The following WDR75 variants were observed in gnomAD, a reference collection of about 807,000 sequenced individuals.
WDR75 encodes WD repeat domain 75, also known as WD repeat-containing protein 75.
In WDR75, 52 loss-of-function variants were observed where a neutral mutation model predicts 106.1. The observed-to-expected ratio is 0.49, with a 90% CI of 0.39 to 0.62. The LOEUF is 0.62. WDR75 is among the 20% of genes least tolerant of loss of function. The probability of loss-of-function intolerance (pLI) is 0.00; values close to 1 mark genes in which losing one functional copy is unlikely to be tolerated. For synonymous variants in WDR75, 333 were observed against 335.5 expected (o/e 0.99, Z 0.08); for missense variants, 905 against 970.3 (o/e 0.93, Z 0.89).
At chr2:189,456,052 T>C (rs546711281) in intron 5 of WDR75, among the ~76,000 whole-genome samples, 103 of 152,366 alleles carry the variant, frequency 6.8e-4, no homozygotes, top group Middle Eastern at 3.4e-3. Context: ...CGGACATCAC[T>C]GTAGCGGCAT....
At position 189,471,364 on chromosome 2, in the gene WDR75, C is replaced by T. The variant is rs1687115928; in HGVS notation, c.2049+486C>T. On this transcript the variant is annotated intron_variant, in intron 18 of 20. Coordinates refer to ENST00000314761, the MANE Select transcript of WDR75 (RefSeq NM_032168.3). ...CAACACACACTTTCCCTACTTGTCC[C>T]CCAATTTTCCCCATATGGGTAAATG... is the stretch of plus-strand genomic sequence containing the variant. Among the ~76,000 whole-genome samples the T allele has an allele frequency of 2.0e-5, 3 of 152,168 alleles. No individual in the cohort carries two copies. The South Asian group carries it at 6.2e-4, about 31-fold the overall frequency.
chr2:189,454,287 C>T (rs1686687788), intron 4 of WDR75, among the ~76,000 whole-genome samples: 1 of 152,030 alleles, frequency 6.6e-6, no homozygotes, highest in Non-Finnish European at 1.5e-5. Context: ...AAAGAATACC[C>T]TTAAGGAGAT....
chr2:189,467,933 C>T (rs1192344179), intron 14 of WDR75, among the ~76,000 whole-genome samples: 1 of 152,088 alleles, frequency 6.6e-6, no homozygotes, highest in Non-Finnish European at 1.5e-5. Flanking sequence ...TCAGGGGATC[C>T]AAACCTTCTT....
chr2:189,463,667 T>A, intron 9 of WDR75, 27 bp from the exon 10 acceptor site: 2 of 1,612,910 alleles, frequency 1.2e-6, no homozygotes, highest in Non-Finnish European at 8.5e-7. Flanking sequence ...TATTGATATT[T>A]AAATACCTAT....
chr2:189,472,246 A>G (rs1687132394), intron 18 of WDR75, among the ~76,000 whole-genome samples: 1 of 152,154 alleles, frequency 6.6e-6, no homozygotes, highest in South Asian at 2.1e-4. Flanking sequence ...GGTGGGGTAG[A>G]GAATAGACGA....
At position 189,455,315 on chromosome 2, in the gene WDR75, G is replaced by A; in HGVS notation, c.374-5G>A. ...CTTTATATTAATATAGCTTTCTTTG[G>A]CTAGATATATTTCAGCTGGTTTCAG... On this transcript the variant is annotated splice_region_variant and splice_polypyrimidine_tract_variant and intron_variant, in intron 4 of 20. Transcript: ENST00000314761. 1 of 1,613,170 alleles carries A rather than the reference G, an allele frequency of 6.2e-7. No homozygotes were observed. The highest frequency in any genetic ancestry group is 1.7e-5 in the Admixed American group (1 of 59,684).
At chr2:189,467,350 C>T in intron 13 of WDR75, 118 bp from the exon 14 acceptor site, 2 of 1,005,996 alleles carry the variant, frequency 2.0e-6, no homozygotes, top group Admixed American at 2.5e-5. Flanking sequence ...CTCAGTTGAC[C>T]CCTAGGAACT....
intron 15 of WDR75, among the ~76,000 whole-genome samples, chr2:189,468,907 C>A (rs1687059020): frequency 6.6e-6 from 1 of 152,148 alleles, no homozygotes; most frequent in Non-Finnish European, 1.5e-5. Flanking sequence ...TCTACATTAT[C>A]CCTGACAGCT....
intron 9 of WDR75, 150 bp from the exon 10 acceptor site, chr2:189,463,544 G>C: frequency 3.0e-6 from 2 of 674,902 alleles, no homozygotes; most frequent in Non-Finnish European, 4.9e-6. Context: ...ACTAATGATA[G>C]CTGATGAGCT....
At chr2:189,451,096 CA>C in intron 3 of WDR75, 128 bp downstream of exon 3, 4 of 1,193,780 alleles carry the variant, frequency 3.4e-6, no homozygotes, top group Non-Finnish European at 3.2e-6. Context: ...AAAATAACAT[CA>C]AAAAAATTAA....
rs539121332 is a variant in WDR75, at chr2:189,474,161, TTC to T, written c.2050-21_2050-20del. On this transcript the variant is annotated intron_variant, in intron 18 of 20. Transcript: ENST00000314761. ...AGTTCTTCCTTTTTTCTGAAATAAT[TTC>T]TCTTTGTCTTAAATCCTTAAAGCTG... is the stretch of plus-strand genomic sequence containing the variant. 472 of 1,591,852 alleles carry T rather than the reference TTC, an allele frequency of 3.0e-4. 3 individuals carry two copies. The African/African-American group carries it at 5.9e-3, about 20-fold the overall frequency.
intron 8 of WDR75, among the ~76,000 whole-genome samples, chr2:189,461,753 G>A (rs998519362): frequency 6.6e-6 from 1 of 152,098 alleles, no homozygotes; most frequent in Non-Finnish European, 1.5e-5. Flanking sequence ...TCATTTCAGT[G>A]CACTAGACAT....
chr2:189,457,537 G>A (rs533757844), intron 6 of WDR75, among the ~76,000 whole-genome samples, 156 bp downstream of exon 6: 2 of 152,226 alleles, frequency 1.3e-5, no homozygotes, highest in African/African-American at 2.4e-5. Context: ...TAACCATACC[G>A]TATAGTTTTT....
At chr2:189,458,453 CAGG>C (rs1277023470) in intron 6 of WDR75, among the ~76,000 whole-genome samples, 1 of 150,076 alleles carries the variant, frequency 6.7e-6, no homozygotes, top group Non-Finnish European at 1.5e-5. Flanking sequence ...AAGCTTTGAC[CAGG>C]CCAAAAAAAA....
At chr2:189,457,824 A>G (rs1686770801) in intron 6 of WDR75, among the ~76,000 whole-genome samples, 1 of 151,846 alleles carries the variant, frequency 6.6e-6, no homozygotes, top group African/African-American at 2.4e-5. Flanking sequence ...AGTTGTACTG[A>G]TGAATGAGGT....
intron 4 of WDR75, among the ~76,000 whole-genome samples, chr2:189,453,003 A>G (rs1331950461): frequency 6.6e-6 from 1 of 152,174 alleles, no homozygotes; most frequent in African/African-American, 2.4e-5. Context: ...CTCTAAAAAG[A>G]CAAAAAGAAA....
Position 189,472,879 on chromosome 2 carries a change from G to A in WDR75, c.2050-1307G>A, listed in dbSNP as rs138356534. On this transcript the variant is annotated intron_variant, in intron 18 of 20. Coordinates refer to ENST00000314761, the MANE Select transcript of WDR75 (RefSeq NM_032168.3). ...ATTTGTATTATATGTATTATATACTGTATTCTTACAATAAAGTATGCTAGA... is the reference window on the plus strand; with the variant it reads ...ATTTGTATTATATGTATTATATACTATATTCTTACAATAAAGTATGCTAGA... 2.4e-4 allele frequency among the ~76,000 whole-genome samples: 37 copies of A among 151,896 alleles called. No homozygotes were observed. The East Asian group carries it at 7.2e-3, about 29-fold the overall frequency.
intron 2 of WDR75, chr2:189,450,053 C>A: frequency 1.0e-6 from 1 of 982,802 alleles, no homozygotes; most frequent in Non-Finnish European, 1.2e-6. Context: ...AAAGTATGGT[C>A]CACAGACCAG....
Position 189,448,479 on chromosome 2 carries a change from A to G in WDR75, c.187A>G (p.Ile63Val). Residue 63 changes from isoleucine (I) to valine (V), a missense_variant, in exon 2 of 21, where the codon ATC becomes GTC. Ile to Val is a conservative substitution (Grantham distance 29). Transcript: ENST00000314761. ...LHGHRNLVTG[I>V]QLNPNNHLQL... The stretch of plus-strand genomic sequence containing the variant: ...TGGACACAGAAATCTGGTGACTGGA[A>G]TCCAGCTTAACCCCAACAACCATCT... 6.2e-7 allele frequency: 1 copy of G among 1,614,028 alleles called. No individual in the cohort carries two copies. Among genetic ancestry groups the G allele is most frequent in the Non-Finnish European group, 8.5e-7 (1 of 1,179,884 alleles).
Sources: gnomAD v4.1 joint callset for allele counts (sites outside exome capture counted in the v4.1 genomes callset) on GRCh38, gnomAD v4.1.1 for gene constraint, MANE v1.5 for transcripts, NCBI Gene and HGNC (gene_info 2026-07-23, HGNC 2026-07-21) for gene names.